Variants in HECW2 observed in about 807,000 individuals in gnomAD.
HECW2 encodes the protein HECT, C2 and WW domain containing E3 ubiquitin protein ligase 2.
Under a neutral mutation model 175.2 loss-of-function variants are expected in HECW2, and 61 were observed. The ratio of observed to expected loss-of-function variants is 0.35; its 90% confidence interval spans 0.28 to 0.43. The LOEUF (loss-of-function observed/expected upper bound fraction) is 0.43. Among genes scored for constraint, HECW2 ranks in the 20% least tolerant of loss-of-function variants. HECW2 has a pLI of 1.00. For synonymous variants in HECW2, 671 were observed against 731.0 expected, an observed-to-expected ratio of 0.92 and a Z score of 1.32; for missense variants, 1,524 against 2,000.5, an observed-to-expected ratio of 0.76 and a Z score of 4.54.
intron 2 of HECW2, among the ~76,000 whole-genome samples, chr2:196,382,945 G>T (rs1694248636): frequency 6.6e-6 from 1 of 152,064 alleles, no homozygotes; most frequent in African/African-American, 2.4e-5. Flanking sequence ...TCATGATCAG[G>T]GACAAAACTA....
At chr2:196,418,149 G>C (rs1336774267) in intron 2 of HECW2, among the ~76,000 whole-genome samples, 2 of 149,350 alleles carry the variant, frequency 1.3e-5, no homozygotes, top group Non-Finnish European at 3.0e-5. Flanking sequence ...TTTTTTTTGA[G>C]ATGGAGTCTC....
intron 1 of HECW2, among the ~76,000 whole-genome samples, chr2:196,587,840 C>T (rs1171510276): frequency 2.0e-5 from 3 of 152,144 alleles, no homozygotes; most frequent in Non-Finnish European, 2.9e-5. Flanking sequence ...CAAGGCCCTA[C>T]AGGCTTTGCA....
rs113628677 is a variant in HECW2, at chr2:196,552,410, C to T, written c.-36+41098G>A. Among the ~76,000 whole-genome samples, 38 of 152,286 alleles carry T rather than the reference C, an allele frequency of 2.5e-4. 1 individual carries two copies. The highest frequency in any genetic ancestry group is 5.1e-4 in the Non-Finnish European group (35 of 68,010). ...TTTCATGACAACTATTTCTTACTTT[C>T]CCCATTCTCCTCAAAATTTCCACAC... On this transcript the variant is annotated intron_variant, in intron 1 of 28. Transcript: ENST00000644978.
Position 196,206,606 on chromosome 2 carries a change from C to A in HECW2, c.4608-5218G>T, listed in dbSNP as rs899383332. ...GTACTTACTAAGCATATACTCCATG[C>A]CAGGGATTCAGCTGTCCTCTGAGAG... On this transcript the variant is annotated intron_variant, in intron 28 of 28. Coordinates refer to ENST00000644978, the MANE Select transcript of HECW2 (RefSeq NM_001348768.2). 2.6e-5 allele frequency among the ~76,000 whole-genome samples: 4 copies of A among 152,318 alleles called. No individual in the cohort carries two copies. The South Asian group carries it at 6.2e-4, about 24-fold the overall frequency.
chr2:196,273,049 A>ATTT lies in HECW2; in HGVS notation c.3238+969_3238+971dup, dbSNP rs778348590. On this transcript the variant is annotated intron_variant, in intron 16 of 28. Coordinates refer to ENST00000644978, the MANE Select transcript of HECW2 (RefSeq NM_001348768.2). ...CAAAGATAAATGGAGAGCTGGTCTA[A>ATTT]TTTTTTTTTTTTTTTTTTTTTTTTT... Among the ~76,000 whole-genome samples, 6 of 113,118 alleles carry ATTT rather than the reference A, an allele frequency of 5.3e-5. No homozygotes were observed. The South Asian group carries it at 8.4e-4, about 16-fold the overall frequency. 74.2% of individuals were successfully genotyped at this position (113,118 alleles called of 152,430 possible). A position where few individuals can be genotyped will look rare whatever the true frequency, so the allele number is the denominator to read the frequency against.
intron 1 of HECW2, among the ~76,000 whole-genome samples, chr2:196,491,056 A>G (rs1397904746): frequency 1.3e-5 from 2 of 152,208 alleles, no homozygotes; most frequent in African/African-American, 2.4e-5. Context: ...CAGAGAATTT[A>G]CTAAAAACTA....
At chr2:196,495,502 A>T (rs145607469) in intron 1 of HECW2, among the ~76,000 whole-genome samples, 1 of 152,348 alleles carries the variant, frequency 6.6e-6, no homozygotes, top group Non-Finnish European at 1.5e-5. Context: ...TGGTCAGAGA[A>T]AGAGAGACCA....
chr2:196,563,932 A>G (rs533323249), intron 1 of HECW2, among the ~76,000 whole-genome samples: 1 of 152,294 alleles, frequency 6.6e-6, no homozygotes, highest in South Asian at 2.1e-4. Flanking sequence ...GGAAAATATT[A>G]TTGGGGAATA....
intron 19 of HECW2, among the ~76,000 whole-genome samples, chr2:196,247,737 A>C (rs1440922883): frequency 3.3e-5 from 5 of 152,230 alleles, no homozygotes; most frequent in Non-Finnish European, 5.9e-5. Context: ...TTCAGAAGAC[A>C]CTAGAAATAG....
Position 196,319,791 on chromosome 2 carries a change from A to G in HECW2, c.1099T>C (p.Cys367Arg), listed in dbSNP as rs767941537. Residue 367 changes from cysteine to arginine, a missense_variant, in exon 9 of 29, where the codon TGC (cysteine) becomes CGC (arginine). Around this residue, in one of 11 missense-constraint regions of HECW2, gnomAD observed 604 missense variants for 588.3 expected, o/e 1.03. Coordinates refer to ENST00000644978, the MANE Select transcript of HECW2 (RefSeq NM_001348768.2). Reference sequence around the variant, plus strand: ...TCCTCAGAAACTGGCCCATTAGAGCACACCTGGCTGTCGTGATGGCTCCCT... The same window carrying G: ...TCCTCAGAAACTGGCCCATTAGAGCGCACCTGGCTGTCGTGATGGCTCCCT... The part of the protein sequence containing the change: ...MPGSHHDSQV[C>R]SNGPVSEDSA... The G allele has an allele frequency of 6.2e-7, 1 of 1,614,184 alleles. No individual in the cohort carries two copies. The highest frequency in any genetic ancestry group is 2.2e-5 in the East Asian group (1 of 44,880).
At chr2:196,447,101 G>C (rs1169062816) in intron 1 of HECW2, among the ~76,000 whole-genome samples, 1 of 152,158 alleles carries the variant, frequency 6.6e-6, no homozygotes, top group Non-Finnish European at 1.5e-5. Context: ...TCAGTGTCAT[G>C]ATCCAGCTTG....
At chr2:196,347,663 G>A (rs1002155058) in intron 2 of HECW2, among the ~76,000 whole-genome samples, 3 of 152,244 alleles carry the variant, frequency 2.0e-5, no homozygotes, top group Non-Finnish European at 4.4e-5. Flanking sequence ...ACCCTGAGCA[G>A]AAGCTGGATG....
At chr2:196,314,981 G>C (rs184974853) in intron 10 of HECW2, among the ~76,000 whole-genome samples, 31 of 152,246 alleles carry the variant, frequency 2.0e-4, no homozygotes, top group Admixed American at 1.3e-3. Flanking sequence ...CAGACAAGTA[G>C]CAAGGGCAGC....
intron 1 of HECW2, among the ~76,000 whole-genome samples, chr2:196,530,426 G>C (rs545607295): frequency 2.4e-4 from 37 of 152,220 alleles, no homozygotes; most frequent in African/African-American, 8.9e-4. Context: ...ACAGAATCCA[G>C]ACCACCACCA....
chr2:196,347,895 G>A (rs368195032), intron 2 of HECW2, among the ~76,000 whole-genome samples: 6 of 152,140 alleles, frequency 3.9e-5, no homozygotes, highest in East Asian at 3.8e-4. Context: ...AAATACTTCC[G>A]CCACTGAGTG....
At chr2:196,318,301 G>A (rs1296768382) in intron 9 of HECW2, among the ~76,000 whole-genome samples, 1 of 152,158 alleles carries the variant, frequency 6.6e-6, no homozygotes, top group East Asian at 1.9e-4. Context: ...TAAGTCCCAA[G>A]GTCTCCCCGC....
At chr2:196,354,195 C>G (rs545473054) in intron 2 of HECW2, among the ~76,000 whole-genome samples, 2 of 152,228 alleles carry the variant, frequency 1.3e-5, no homozygotes, top group Non-Finnish European at 2.9e-5. Context: ...CACCATCAGT[C>G]AGGCTGCAGA....
At chr2:196,219,962 T>C (rs1687608092) in intron 26 of HECW2, 77 bp downstream of exon 26, 1 of 927,396 alleles carries the variant, frequency 1.1e-6, no homozygotes, top group East Asian at 2.5e-5. Context: ...GCCTGTCCTA[T>C]ATTCAGTTGG....
chr2:196,402,919 G>A (rs1003279996), intron 2 of HECW2, among the ~76,000 whole-genome samples: 7 of 149,312 alleles, frequency 4.7e-5, no homozygotes, highest in African/African-American at 1.7e-4. Context: ...CAATTCTTGT[G>A]CCTCAGCCTC....
Sources: allele counts gnomAD v4.1 joint callset (sites outside exome capture counted in the v4.1 genomes callset), GRCh38; gene constraint gnomAD v4.1.1; regional missense constraint gnomAD v4.1.1; transcripts MANE v1.5; gene names NCBI Gene and HGNC (gene_info 2026-07-23, HGNC 2026-07-21).